Variants in TRAK1 observed in about 807,000 individuals in gnomAD.
TRAK1 encodes the protein trafficking kinesin protein 1.
TRAK1 carries 33 observed loss-of-function variants against 92.1 expected under a neutral mutation model. That is an observed-to-expected ratio of 0.36 (90% CI 0.27 to 0.48). The LOEUF (loss-of-function observed/expected upper bound fraction) is 0.48. Among genes scored for constraint, TRAK1 ranks in the 20% least tolerant of loss-of-function variants. The pLI is 0.99. For missense variants in TRAK1, 1,123 were observed against 1,257.9 expected (o/e 0.89, Z 1.62); for synonymous variants, 521 against 517.3 (o/e 1.01, Z -0.10).
intron 1 of TRAK1, among the ~76,000 whole-genome samples, chr3:42,018,309 T>C (rs549863244): frequency 1.4e-4 from 21 of 151,988 alleles, no homozygotes; most frequent in African/African-American, 4.6e-4. Context: ...AAAAGTGCTC[T>C]TAAGGAAAAT....
At chr3:42,143,322 T>TC (rs1553732426) in intron 2 of TRAK1, among the ~76,000 whole-genome samples, 2 of 149,706 alleles carry the variant, frequency 1.3e-5, no homozygotes, top group Admixed American at 6.6e-5. Flanking sequence ...TTTTTTTTTT[T>TC]CTTTCAAATT....
chr3:42,160,563 G>T (rs9311304), intron 2 of TRAK1: 190,844 of 993,966 alleles, frequency 0.19, 16,585 homozygotes, highest in Middle Eastern at 0.22. Flanking sequence ...GCACTGTTTT[G>T]TTTTTGTTTT....
chr3:42,199,095 C>A, intron 10 of TRAK1, 82 bp from the exon 11 acceptor site: 2 of 1,477,018 alleles, frequency 1.4e-6, no homozygotes, highest in Non-Finnish European at 1.9e-6. Flanking sequence ...CTCTCCATGG[C>A]CCACCTGGGT....
chr3:42,116,129 G>T (rs927383627), intron 1 of TRAK1, among the ~76,000 whole-genome samples: 24 of 152,252 alleles, frequency 1.6e-4, no homozygotes, highest in Non-Finnish European at 7.3e-5. Context: ...ACAGCGGAAA[G>T]CGAATCAGCA....
chr3:42,147,858 CACA>C (rs1452983557), intron 2 of TRAK1, among the ~76,000 whole-genome samples: 1 of 152,206 alleles, frequency 6.6e-6, no homozygotes, highest in Non-Finnish European at 1.5e-5. Flanking sequence ...GACCTCACAA[CACA>C]ACGTTACAGG....
At chr3:42,171,663 G>C (rs570818812) in intron 2 of TRAK1, among the ~76,000 whole-genome samples, 1 of 152,266 alleles carries the variant, frequency 6.6e-6, no homozygotes, top group Non-Finnish European at 1.5e-5. Flanking sequence ...TGTCAAGATA[G>C]AAACCCCAAT....
intron 2 of TRAK1, among the ~76,000 whole-genome samples, chr3:42,133,603 C>T (rs929246372): frequency 1.3e-4 from 20 of 152,190 alleles, no homozygotes; most frequent in African/African-American, 4.8e-4. Flanking sequence ...GCATCCCCCA[C>T]TTCCGTTGCC....
chr3:42,211,493 A>C (rs1328542420), intron 14 of TRAK1: 1 of 985,432 alleles, frequency 1.0e-6, no homozygotes, highest in South Asian at 4.7e-5. Flanking sequence ...TGTCATCAGC[A>C]CCAGTGTCCG....
At chr3:42,148,009 TACAC>T (rs754565507) in intron 2 of TRAK1, among the ~76,000 whole-genome samples, 73 of 140,978 alleles carry the variant, frequency 5.2e-4, no homozygotes, top group Non-Finnish European at 7.3e-4. Flanking sequence ...GAAGCAGACA[TACAC>T]ATACATAGAA....
intron 1 of TRAK1, among the ~76,000 whole-genome samples, chr3:42,098,386 G>T (rs1407832984): frequency 1.3e-5 from 2 of 152,174 alleles, no homozygotes; most frequent in African/African-American, 4.8e-5. Flanking sequence ...AGGAAGGGAG[G>T]TTGGGCCTGT....
At chr3:42,212,260 T>C (rs1398412515) in intron 14 of TRAK1, 5 of 985,322 alleles carry the variant, frequency 5.1e-6, no homozygotes, top group Non-Finnish European at 6.0e-6. Flanking sequence ...CCCTGCCTTT[T>C]AATCCGTCCT....
intron 14 of TRAK1, chr3:42,210,736 A>G: frequency 1.0e-6 from 1 of 985,938 alleles, no homozygotes; most frequent in Non-Finnish European, 1.2e-6. Flanking sequence ...GGATTTTTAA[A>G]AAGTGTTTTA....
chr3:42,204,919 T>A (rs1294322395), intron 13 of TRAK1, among the ~76,000 whole-genome samples: 2 of 152,174 alleles, frequency 1.3e-5, no homozygotes, highest in Non-Finnish European at 2.9e-5. Context: ...TTTTCTTTTT[T>A]CCCTCCCCTC....
intron 1 of TRAK1, among the ~76,000 whole-genome samples, chr3:42,098,212 GCTTT>G (rs1471235038): frequency 6.6e-6 from 1 of 151,792 alleles, no homozygotes; most frequent in African/African-American, 2.4e-5. Context: ...AGAAACAATG[GCTTT>G]CTTTTTTTTT....
At chr3:42,108,009 C>G (rs184399890) in intron 1 of TRAK1, among the ~76,000 whole-genome samples, 101 of 151,960 alleles carry the variant, frequency 6.6e-4, no homozygotes, top group African/African-American at 2.4e-3. Flanking sequence ...GGGAAGGCAG[C>G]CTTTGAGAAA....
At chr3:42,118,577 G>A (rs996939536) in intron 1 of TRAK1, among the ~76,000 whole-genome samples, 2 of 152,212 alleles carry the variant, frequency 1.3e-5, no homozygotes, top group African/African-American at 4.8e-5. Flanking sequence ...CTCTCTGCAG[G>A]TGAGGATCTA....
chr3:42,167,154 G>A (rs753907863), intron 2 of TRAK1, among the ~76,000 whole-genome samples: 7 of 152,208 alleles, frequency 4.6e-5, no homozygotes, highest in African/African-American at 1.4e-4. Context: ...ACTTGTGGCC[G>A]GGATAGACTC....
chr3:42,201,246 C>A (rs1707507540), intron 12 of TRAK1, among the ~76,000 whole-genome samples, 192 bp downstream of exon 12: 1 of 152,136 alleles, frequency 6.6e-6, no homozygotes. Context: ...ATTGCCTGAG[C>A]TCAGGAGTTT....
At chr3:42,196,539 CTT>C (rs35807078) in intron 10 of TRAK1, among the ~76,000 whole-genome samples, 18 of 135,386 alleles carry the variant, frequency 1.3e-4, no homozygotes, top group East Asian at 2.2e-4. Context: ...TTCTCTTCTT[CTT>C]TTTTTTTTTT....
Sources: allele counts gnomAD v4.1 joint callset (sites outside exome capture counted in the v4.1 genomes callset), GRCh38; gene constraint gnomAD v4.1.1; transcripts MANE v1.5; gene names NCBI Gene and HGNC (gene_info 2026-07-23, HGNC 2026-07-21).